The following CLASP1 variants were observed in gnomAD, a reference collection of about 807,000 sequenced individuals.
CLASP1 encodes CLIP-associating protein 1.
CLASP1 carries 38 observed loss-of-function variants against 192.3 expected under a neutral mutation model. The observed-to-expected ratio is 0.20, with a 90% confidence interval of 0.15 to 0.26. CLASP1 has a LOEUF of 0.26. Ranked by LOEUF, CLASP1 falls within the 10% of genes least tolerant of loss-of-function variation. The probability of loss-of-function intolerance (pLI) is 1.00; values close to 1 mark genes in which losing one functional copy is unlikely to be tolerated. For synonymous variants in CLASP1, 691 were observed against 712.8 expected (o/e 0.97, Z 0.49); for missense variants, 1,433 against 1,932.5 (o/e 0.74, Z 4.85).
chr2:121,447,694 T>C (rs1195062578), intron 18 of CLASP1, among the ~76,000 whole-genome samples, 187 bp from the exon 19 acceptor site: 3 of 152,248 alleles, frequency 2.0e-5, no homozygotes, highest in Non-Finnish European at 4.4e-5. Flanking sequence ...CGAAGGAAAC[T>C]ACAAGTGATC....
exon 4 of CLASP1, chr2:121,528,685 T>C: frequency 6.2e-7 from 1 of 1,613,976 alleles, no homozygotes. Context: ...ACCTGGGGAT[T>C]AGCAGCTTGA....
chr2:121,535,784 C>CAGT (rs1346872328), intron 2 of CLASP1, among the ~76,000 whole-genome samples: 2 of 151,798 alleles, frequency 1.3e-5, no homozygotes, highest in African/African-American at 2.4e-5. Context: ...GCCCCCTCCC[C>CAGT]AGTAGCTGGG....
At chr2:121,499,502 T>C (rs1166219666) in intron 8 of CLASP1, among the ~76,000 whole-genome samples, 2 of 131,394 alleles carry the variant, frequency 1.5e-5, no homozygotes, top group African/African-American at 7.0e-5. Flanking sequence ...TTGCACACTT[T>C]GTGAATATTC....
At chr2:121,359,355 A>C (rs1487864822) in intron 37 of CLASP1, among the ~76,000 whole-genome samples, 1 of 152,368 alleles carries the variant, frequency 6.6e-6, no homozygotes, top group East Asian at 1.9e-4. Context: ...GGACAACAGC[A>C]GACGCAGGAC....
chr2:121,441,284 G>A (rs189699363), intron 19 of CLASP1, among the ~76,000 whole-genome samples: 14 of 152,288 alleles, frequency 9.2e-5, no homozygotes, highest in Middle Eastern at 3.4e-3. Context: ...ACACTGGGAC[G>A]TTTTGGCATA....
At chr2:121,607,307 C>G (rs150384417) in intron 1 of CLASP1, among the ~76,000 whole-genome samples, 287 of 152,246 alleles carry the variant, frequency 1.9e-3, no homozygotes, top group African/African-American at 6.6e-3. Context: ...CCACTGCACT[C>G]CAGCCTGGGT....
chr2:121,589,787 T>A (rs535475801), intron 2 of CLASP1, among the ~76,000 whole-genome samples: 6 of 152,204 alleles, frequency 3.9e-5, no homozygotes, highest in African/African-American at 1.4e-4. Flanking sequence ...ATTTTGATGT[T>A]TTTTTCTCAC....
exon 40 of CLASP1, chr2:121,340,503 G>GAA: frequency 5.3e-6 from 1 of 189,402 alleles, no homozygotes; most frequent in Non-Finnish European, 1.1e-5. Context: ...GTTATTAACT[G>GAA]AAAAAAAAAA....
intron 8 of CLASP1, among the ~76,000 whole-genome samples, chr2:121,495,113 G>A (rs937801483): frequency 1.3e-5 from 2 of 151,360 alleles, no homozygotes; most frequent in African/African-American, 4.9e-5. Context: ...ACAAGGTCAG[G>A]AGATAGAGAC....
At chr2:121,611,916 G>C (rs182199144) in intron 1 of CLASP1, among the ~76,000 whole-genome samples, 1 of 150,784 alleles carries the variant, frequency 6.6e-6, no homozygotes, top group Non-Finnish European at 1.5e-5. Context: ...AGGAACTGGA[G>C]GTTGATGACG....
chr2:121,399,845 C>T lies in CLASP1; in HGVS notation c.2901-1445G>A, dbSNP rs373411568. Among the ~76,000 whole-genome samples, 95 of 152,262 alleles carry T rather than the reference C, an allele frequency of 6.2e-4. 2 individuals carry two copies. In the South Asian group the frequency reaches 7.1e-3, roughly 11 times the overall value. On this transcript the variant is annotated intron_variant, in intron 28 of 39. Coordinates refer to ENST00000263710, the Ensembl canonical transcript of CLASP1. ...CATTGGTAAATTCACCTAAATTAAGCGACCTACAGGCCAAGTCTGGCTCAC... is the reference window on the plus strand; with the variant it reads ...CATTGGTAAATTCACCTAAATTAAGTGACCTACAGGCCAAGTCTGGCTCAC...
At chr2:121,530,765 G>A (rs935423965) in intron 2 of CLASP1, 14 of 545,570 alleles carry the variant, frequency 2.6e-5, no homozygotes, top group Non-Finnish European at 4.6e-5. Context: ...CGAAAGCTGT[G>A]GAGGCTGGAG....
At chr2:121,620,047 C>T (rs1043787186) in intron 1 of CLASP1, among the ~76,000 whole-genome samples, 11 of 152,040 alleles carry the variant, frequency 7.2e-5, no homozygotes, top group South Asian at 4.2e-4. Flanking sequence ...CATAGCGAAA[C>T]CCCATCTCTA....
At chr2:121,593,392 G>A (rs2062659383) in intron 2 of CLASP1, among the ~76,000 whole-genome samples, 1 of 152,080 alleles carries the variant, frequency 6.6e-6, no homozygotes, top group African/African-American at 2.4e-5. Flanking sequence ...GGCCCAGGCG[G>A]GTGGATCACC....
chr2:121,580,612 A>G (rs1157770292), intron 2 of CLASP1, among the ~76,000 whole-genome samples: 1 of 152,168 alleles, frequency 6.6e-6, no homozygotes, highest in Non-Finnish European at 1.5e-5. Context: ...CTCTTTATAA[A>G]CTACACTTGC....
intron 24 of CLASP1, 159 bp downstream of exon 25, chr2:121,410,707 C>T: frequency 1.8e-6 from 1 of 547,918 alleles, no homozygotes; most frequent in East Asian, 3.1e-5. Context: ...GTTTAAGGGG[C>T]AAACAATAAC....
intron 6 of CLASP1, among the ~76,000 whole-genome samples, chr2:121,519,424 G>A (rs895120441): frequency 2.0e-5 from 3 of 152,194 alleles, no homozygotes; most frequent in Non-Finnish European, 2.9e-5. Context: ...TGCTCAGGCA[G>A]ATGGGCCACC....
intron 6 of CLASP1, among the ~76,000 whole-genome samples, chr2:121,519,019 T>C (rs72969372): frequency 2.1e-4 from 32 of 152,354 alleles, no homozygotes; most frequent in African/African-American, 7.7e-4. Context: ...GTGATCTCTT[T>C]AAAGAACAAT....
intron 37 of CLASP1, among the ~76,000 whole-genome samples, chr2:121,357,305 T>C (rs1055171656): frequency 4.6e-5 from 7 of 152,192 alleles, no homozygotes; most frequent in African/African-American, 1.7e-4. Flanking sequence ...TCTACTTTCT[T>C]CAATGGAAGA....
Sources: gnomAD v4.1 joint callset for allele counts (sites outside exome capture counted in the v4.1 genomes callset) on GRCh38, gnomAD v4.1.1 for gene constraint, MANE v1.5 for transcripts, NCBI Gene and HGNC (gene_info 2026-07-23, HGNC 2026-07-21) for gene names.